Variants in NLRC4 observed in about 807,000 individuals in gnomAD.
NLRC4 encodes NLR family CARD domain-containing protein 4.
NLRC4 carries 63 observed loss-of-function variants against 79.9 expected under a neutral mutation model. That is an observed-to-expected ratio of 0.79 (90% CI 0.64 to 0.97). The LOEUF (loss-of-function observed/expected upper bound fraction) is 0.97. Ranked by LOEUF, NLRC4 falls within the 50% of genes least tolerant of loss-of-function variation. The probability of loss-of-function intolerance (pLI) is 0.00; values close to 1 mark genes in which losing one functional copy is unlikely to be tolerated. For synonymous variants in NLRC4, 461 were observed against 456.5 expected (o/e 1.01, Z -0.12); for missense variants, 1,074 against 1,215.2 (o/e 0.88, Z 1.73).
At chr2:32,255,520 C>CAAAA (rs1385459440) in intron 2 of NLRC4, among the ~76,000 whole-genome samples, 2 of 38,602 alleles carry the variant, frequency 5.2e-5, no homozygotes, top group Non-Finnish European at 5.4e-5. Context: ...AACTCCGTCT[C>CAAAA]AAAAAAAAAA....
At chr2:32,240,297 T>A (rs985243320) in intron 5 of NLRC4, among the ~76,000 whole-genome samples, 2 of 151,852 alleles carry the variant, frequency 1.3e-5, no homozygotes, top group Non-Finnish European at 2.9e-5. Context: ...CATGTTTGGC[T>A]TATAGGCTAG....
rs746131286 is a variant in NLRC4 at position 32,241,120 on chromosome 2, G to C, written c.2263C>G (p.Leu755Val). The C allele has an allele frequency of 1.9e-5, 30 of 1,596,006 alleles. No homozygotes were observed. Among genetic ancestry groups the C allele is most frequent in the Non-Finnish European group, 1.7e-6 (2 of 1,166,938 alleles). The part of the protein sequence containing the change: ...DLQNQRLPGG[L>V]TDSLGNLKNL... ...TTCAAGTTACCCAAGCTGTCAGTCAGACCACCTGTCAAAAGAAAAAAGATT... is the reference window on the plus strand; with the variant it reads ...TTCAAGTTACCCAAGCTGTCAGTCACACCACCTGTCAAAAGAAAAAAGATT... The change falls in exon 5 of 9, where the codon CTG (leucine) becomes GTG (valine). Residue 755 changes from leucine to valine, a missense_variant. Physicochemically the swap from Leu to Val is conservative, Grantham distance 32. Coordinates refer to ENST00000402280, the MANE Select transcript of NLRC4 (RefSeq NM_001199138.2).
In NLRC4 at chr2:32,235,292, A is replaced by T. The variant is rs568353655; in HGVS notation, c.2782+109T>A. On this transcript the variant is annotated intron_variant, in intron 8 of 8. Coordinates refer to ENST00000402280, the MANE Select transcript of NLRC4 (RefSeq NM_001199138.2). ...AATTCATTAGACATATTTATATTTT[A>T]AAAAAAAGAGGAAGCAAAATAAAAT... 4.9e-4 allele frequency: 373 copies of T among 760,916 alleles called. 3 individuals carry two copies. Among genetic ancestry groups the T allele is most frequent in the South Asian group, 4.8e-3 (283 of 58,844 alleles). The allele number at this position is 760,916 out of a possible 1,614,324, so 47.1% of individuals were successfully genotyped here.
Position 32,253,686 on chromosome 2 carries a change from C to A in NLRC4, c.2-1007G>T, listed in dbSNP as rs945080868. Among the ~76,000 whole-genome samples the A allele has an allele frequency of 2.6e-4, 39 of 151,202 alleles. 1 individual carries two copies. The highest frequency in any genetic ancestry group is 2.6e-4 in the Admixed American group (4 of 15,164). On this transcript the variant is annotated intron_variant, in intron 2 of 8. Transcript: ENST00000402280. Reference sequence around the variant, plus strand: ...TCTATTTCAATTACGTGCTGCTGGCCGGGTGCGGTGGCTCACACCTGTAAC... The same window carrying A: ...TCTATTTCAATTACGTGCTGCTGGCAGGGTGCGGTGGCTCACACCTGTAAC...
intron 2 of NLRC4, 73 bp from the exon 3 acceptor site, chr2:32,252,752 C>G: frequency 1.5e-6 from 2 of 1,350,592 alleles, no homozygotes; most frequent in Non-Finnish European, 2.1e-6. Context: ...GGCACGGTGG[C>G]TCACGCCTGT....
Position 32,250,262 on chromosome 2 carries a change from CAAAGAT to C in NLRC4, c.1596_1601del (p.Ser533_Leu534del). 1 of 1,614,166 alleles carries C rather than the reference CAAAGAT, an allele frequency of 6.2e-7. No homozygotes were observed. The highest frequency in any genetic ancestry group is 8.5e-7 in the Non-Finnish European group (1 of 1,180,036). On this transcript the variant is annotated inframe_deletion, in exon 4 of 9. Transcript: ENST00000402280. The surrounding 1 kb of genome is among the most constrained non-coding windows in gnomAD (Gnocchi z 4.9). ...GCTCAGTGGTGTTTTTCACACTTTG[CAAAGAT>C]TCCTGTCTCCAGAGAGGCCTCTTGG...
At chr2:32,237,616 C>T (rs1299098059) in intron 6 of NLRC4, among the ~76,000 whole-genome samples, 1 of 152,186 alleles carries the variant, frequency 6.6e-6, no homozygotes, top group Non-Finnish European at 1.5e-5. Flanking sequence ...CTGAATTACA[C>T]ATGTATAGTT....
At chr2:32,259,525 G>A (rs1687289490) in intron 1 of NLRC4, among the ~76,000 whole-genome samples, 2 of 151,854 alleles carry the variant, frequency 1.3e-5, no homozygotes, top group South Asian at 2.1e-4. Flanking sequence ...GCAGACGTTA[G>A]TACACTTCTA....
intron 2 of NLRC4, among the ~76,000 whole-genome samples, chr2:32,252,984 C>G (rs1037994269): frequency 6.6e-6 from 1 of 151,890 alleles, no homozygotes; most frequent in Admixed American, 6.6e-5. Flanking sequence ...CGCCACTGCA[C>G]TCCGGCCTGG....
rs763894202 is a variant in NLRC4 at position 32,241,144 on chromosome 2, T to C, written c.2258-19A>G. 43 of 1,445,602 alleles carry C rather than the reference T, an allele frequency of 3.0e-5. No homozygotes were observed. The highest frequency in any genetic ancestry group is 1.7e-4 in the Middle Eastern group (1 of 5,788). 89.5% of individuals were successfully genotyped at this position (1,445,602 alleles called of 1,614,324 possible). ...AGACCACCTGTCAAAAGAAAAAAGA[T>C]TGGACTCTTTCAGCAGATATTTGCT... On this transcript the variant is annotated intron_variant, in intron 4 of 8. Coordinates refer to ENST00000402280, the MANE Select transcript of NLRC4 (RefSeq NM_001199138.2).
intron 1 of NLRC4, 126 bp from the exon 2 acceptor site, chr2:32,257,019 G>C (rs1162654433): frequency 2.1e-6 from 1 of 471,944 alleles, no homozygotes; most frequent in African/African-American, 1.9e-5. Flanking sequence ...CTCGCTCAAA[G>C]CCCCTGGCTA....
At chr2:32,259,067 G>C (rs1338573130) in intron 1 of NLRC4, among the ~76,000 whole-genome samples, 1 of 151,892 alleles carries the variant, frequency 6.6e-6, no homozygotes, top group Non-Finnish European at 1.5e-5. Flanking sequence ...ATGTGGATGG[G>C]GTTGGCATGG....
intron 1 of NLRC4, among the ~76,000 whole-genome samples, chr2:32,259,248 A>G (rs1573504522): frequency 1.2e-5 from 1 of 86,122 alleles, no homozygotes; most frequent in Non-Finnish European, 2.4e-5. Context: ...GGTGTGTGCC[A>G]CCATGCCTGG....
intron 5 of NLRC4, among the ~76,000 whole-genome samples, chr2:32,239,386 G>C (rs1197219407): frequency 6.6e-6 from 1 of 152,224 alleles, no homozygotes; most frequent in Non-Finnish European, 1.5e-5. Flanking sequence ...ATTTAATGTG[G>C]TGCCTGGCAC....
chr2:32,251,575 C>T lies in NLRC4; in HGVS notation c.289G>A (p.Asp97Asn), dbSNP rs762060718. 3 of 1,605,482 alleles carry T rather than the reference C, an allele frequency of 1.9e-6. No individual in the cohort carries two copies. Among genetic ancestry groups the T allele is most frequent in the Non-Finnish European group, 2.6e-6 (3 of 1,176,056 alleles). The change falls in exon 4 of 9, where the codon GAC becomes AAC. Residue 97 changes from aspartate (D) to asparagine (N), a missense_variant. Physicochemically the swap from Asp to Asn is conservative, Grantham distance 23. Transcript: ENST00000402280. Reference protein sequence around the residue: ...QSLFHQTSEGDLDDLAQDLKD... With the variant: ...QSLFHQTSEGNLDDLAQDLKD... ...AAATCCTGAGCCAAATCGTCCAAGT[C>T]TCCTTCTGATGTCTGATGAAAAAGA...
intron 8 of NLRC4, among the ~76,000 whole-genome samples, chr2:32,229,156 A>G (rs1686473835): frequency 6.6e-6 from 1 of 151,178 alleles, no homozygotes; most frequent in Non-Finnish European, 1.5e-5. Flanking sequence ...TTGGTCAGGC[A>G]TGGTGGCTCA....
intron 2 of NLRC4, among the ~76,000 whole-genome samples, chr2:32,253,067 G>A (rs987979843): frequency 2.0e-5 from 3 of 152,052 alleles, no homozygotes; most frequent in Admixed American, 2.0e-4. Flanking sequence ...AGAGCATTAG[G>A]GCCATGCATT....
chr2:32,228,287 G>A (rs1686450697), intron 8 of NLRC4, among the ~76,000 whole-genome samples: 1 of 152,156 alleles, frequency 6.6e-6, no homozygotes, highest in African/African-American at 2.4e-5. Context: ...ATATGCTCCA[G>A]GAGGAAGACT....
chr2:32,257,070 C>T (rs1573501962), intron 1 of NLRC4, among the ~76,000 whole-genome samples, 177 bp from the exon 2 acceptor site: 1 of 152,238 alleles, frequency 6.6e-6, no homozygotes. Context: ...CGGCTGGACT[C>T]CTTGCCTAGA....
Sources: gnomAD v4.1 joint callset for allele counts (sites outside exome capture counted in the v4.1 genomes callset) on GRCh38, gnomAD v4.1.1 for gene constraint, Gnocchi (gnomAD v3.1) non-coding constraint, MANE v1.5 for transcripts, NCBI Gene and HGNC (gene_info 2026-07-23, HGNC 2026-07-21) for gene names.